GCSAML: variants seen among roughly 807,000 people sequenced by gnomAD.
GCSAML encodes germinal center associated signaling and motility like.
A neutral mutation model predicts 13.0 loss-of-function variants in GCSAML; 9 were observed. The ratio of observed to expected loss-of-function variants is 0.69; its 90% CI spans 0.42 to 1.21. The LOEUF (loss-of-function observed/expected upper bound fraction) is 1.21, where lower values mean the gene tolerates loss of function less well. GCSAML is among the 50% of genes most tolerant of loss of function. GCSAML has a pLI of 0.00. For missense variants in GCSAML, 143 were observed against 153.4 expected (o/e 0.93, Z 0.36); for synonymous variants, 37 against 52.9 (o/e 0.70, Z 1.31).
At chr1:247,515,620 A>C (rs1199566897) in intron 1 of GCSAML, among the ~76,000 whole-genome samples, 3 of 152,324 alleles carry the variant, frequency 2.0e-5, no homozygotes, top group Non-Finnish European at 4.4e-5. Flanking sequence ...CATGACTAGG[A>C]GGCCTCAGGA....
intron 2 of GCSAML, among the ~76,000 whole-genome samples, chr1:247,541,154 G>C (rs961056582): frequency 1.3e-5 from 2 of 151,380 alleles, no homozygotes; most frequent in African/African-American, 2.4e-5. Context: ...TATAAATCCT[G>C]TGACTATTTT....
At chr1:247,553,808 A>C (rs1667859204) in intron 1 of GCSAML, among the ~76,000 whole-genome samples, 1 of 152,182 alleles carries the variant, frequency 6.6e-6, no homozygotes, top group South Asian at 2.1e-4. Context: ...AACATTATCA[A>C]ATGCAGTTTT....
At chr1:247,518,617 G>C (rs1281025207) in intron 1 of GCSAML, 1 of 152,352 alleles carries the variant, frequency 6.6e-6, no homozygotes, top group Non-Finnish European at 1.5e-5. Flanking sequence ...AGGTAGGCGG[G>C]AACACTCACC....
chr1:247,560,909 T>A (rs890446932), intron 2 of GCSAML, among the ~76,000 whole-genome samples: 1 of 152,156 alleles, frequency 6.6e-6, no homozygotes, highest in Non-Finnish European at 1.5e-5. Flanking sequence ...TTATGACTTT[T>A]CTCTCATTCT....
intron 1 of GCSAML, among the ~76,000 whole-genome samples, chr1:247,517,691 TTTAC>T (rs1666260238): frequency 6.6e-6 from 1 of 152,198 alleles, no homozygotes; most frequent in African/African-American, 2.4e-5. Context: ...CACAAATATC[TTTAC>T]TTAACGTCTT....
intron 1 of GCSAML, among the ~76,000 whole-genome samples, chr1:247,510,410 G>C (rs1323408501): frequency 1.3e-5 from 2 of 151,770 alleles, no homozygotes; most frequent in Non-Finnish European, 2.9e-5. Context: ...TTCTTTATTA[G>C]TCTGGCTTGT....
chr1:247,525,800 T>A (rs1276714223), intron 1 of GCSAML: 1 of 152,248 alleles, frequency 6.6e-6, no homozygotes, highest in Non-Finnish European at 1.5e-5. Flanking sequence ...AATTCTCTAA[T>A]TCTGCCTTGG....
intron 1 of GCSAML, among the ~76,000 whole-genome samples, chr1:247,552,667 A>C (rs1220414571): frequency 6.6e-6 from 1 of 152,242 alleles, no homozygotes; most frequent in Non-Finnish European, 1.5e-5. Flanking sequence ...TGTGTATTAT[A>C]TAAAAAGTGC....
At chr1:247,570,501 A>T (rs1668562315) in intron 4 of GCSAML, among the ~76,000 whole-genome samples, 2 of 152,216 alleles carry the variant, frequency 1.3e-5, no homozygotes, top group East Asian at 1.9e-4. Context: ...TTCAGTTTCC[A>T]TGTAGTTTTG....
At chr1:247,516,813 G>A (rs1039638641) in intron 1 of GCSAML, among the ~76,000 whole-genome samples, 5 of 151,990 alleles carry the variant, frequency 3.3e-5, no homozygotes, top group Non-Finnish European at 1.5e-5. Flanking sequence ...AATTATATTC[G>A]TACAGCCAAC....
intron 2 of GCSAML, among the ~76,000 whole-genome samples, chr1:247,537,402 T>C (rs1667259121): frequency 6.6e-6 from 1 of 152,228 alleles, no homozygotes; most frequent in Non-Finnish European, 1.5e-5. Context: ...TTGATGAACA[T>C]TTGAGTTGTT....
intron 1 of GCSAML, among the ~76,000 whole-genome samples, chr1:247,517,429 G>A (rs1234519289): frequency 6.6e-6 from 1 of 152,186 alleles, no homozygotes; most frequent in Non-Finnish European, 1.5e-5. Flanking sequence ...AATGTAAAAT[G>A]TGGAAATGTG....
intron 1 of GCSAML, chr1:247,524,930 A>C (rs1391655506): frequency 6.6e-6 from 1 of 152,232 alleles, no homozygotes; most frequent in African/African-American, 2.4e-5. Flanking sequence ...AACATACCAG[A>C]AGATGTTAAA....
chr1:247,540,749 G>A lies in GCSAML; in HGVS notation c.-147-8296G>A, dbSNP rs971219547. On this transcript the variant is annotated intron_variant, in intron 2 of 5. Transcript: ENST00000366489. ...CAAACGAGCAAGCTTTCTGCAACGC[G>A]TCAGAAGGATTAGAAAGGATAAGAC... Among the ~76,000 whole-genome samples, 3 of 152,314 alleles carry A rather than the reference G, an allele frequency of 2.0e-5. No homozygotes were observed. The South Asian group carries it at 6.2e-4, about 32-fold the overall frequency.
At chr1:247,574,090 C>G in intron 4 of GCSAML, 53 bp from the exon 5 acceptor site, 2 of 1,599,962 alleles carry the variant, frequency 1.3e-6, no homozygotes, top group Non-Finnish European at 1.7e-6. Flanking sequence ...ACACTGAGTT[C>G]AATTTATGAA....
intron 2 of GCSAML, among the ~76,000 whole-genome samples, chr1:247,561,883 G>C (rs1668140546): frequency 6.6e-6 from 1 of 152,014 alleles, no homozygotes; most frequent in South Asian, 2.1e-4. Flanking sequence ...CGGCTCACCC[G>C]GCGCCGCAAA....
intron 2 of GCSAML, among the ~76,000 whole-genome samples, chr1:247,560,156 C>T (rs1048506990): frequency 8.5e-5 from 13 of 152,114 alleles, no homozygotes; most frequent in South Asian, 2.1e-4. Flanking sequence ...ATCCACAGCC[C>T]GGACTTAGAT....
rs190578017 is a variant in GCSAML at position 247,557,670 on chromosome 1, G to T, written c.89+1204G>T. Among the ~76,000 whole-genome samples the T allele has an allele frequency of 2.6e-5, 4 of 152,290 alleles. No individual in the cohort carries two copies. The East Asian group carries it at 7.7e-4, about 29-fold the overall frequency. On this transcript the variant is annotated intron_variant, in intron 2 of 4. Coordinates refer to ENST00000366488, the MANE Select transcript of GCSAML (RefSeq NM_145278.5). ...ACGACACTTTCCTGCACAAAGGAGAGAGTTGGCTTCATGAGTCAGCCCTCA... is the reference window on the plus strand; with the variant it reads ...ACGACACTTTCCTGCACAAAGGAGATAGTTGGCTTCATGAGTCAGCCCTCA...
At chr1:247,518,142 C>T (rs2103306121) in intron 1 of GCSAML, among the ~76,000 whole-genome samples, 1 of 152,330 alleles carries the variant, frequency 6.6e-6, no homozygotes. Flanking sequence ...GTGTGCGGTG[C>T]GGCCCTCTGA....
Sources: gnomAD v4.1 joint callset for allele counts (sites outside exome capture counted in the v4.1 genomes callset) on GRCh38, gnomAD v4.1.1 for gene constraint, MANE v1.5 for transcripts, NCBI Gene and HGNC (gene_info 2026-07-23, HGNC 2026-07-21) for gene names.